Variants in ERC2 observed in about 807,000 individuals in gnomAD.
ERC2 encodes ERC protein 2.
In ERC2, 42 loss-of-function variants were observed where a neutral mutation model predicts 114.8. The ratio of observed to expected loss-of-function variants is 0.37; its 90% CI spans 0.29 to 0.47. ERC2 has a LOEUF of 0.47. Ranked by LOEUF, ERC2 falls within the 20% of genes least tolerant of loss-of-function variation. The pLI, the probability that ERC2 is intolerant of heterozygous loss-of-function variation, is 0.99. For synonymous variants in ERC2, 454 were observed against 425.5 expected (o/e 1.07, Z -0.82); for missense variants, 939 against 1,150.7 (o/e 0.82, Z 2.66).
At chr3:55,866,178 A>T (rs1438566957) in intron 14 of ERC2, among the ~76,000 whole-genome samples, 2 of 151,956 alleles carry the variant, frequency 1.3e-5, no homozygotes, top group Non-Finnish European at 2.9e-5. Flanking sequence ...TCTCATTGTG[A>T]TTTTGATTTA....
intron 2 of ERC2, among the ~76,000 whole-genome samples, chr3:56,374,580 A>G (rs2059471015): frequency 6.6e-6 from 1 of 152,150 alleles, no homozygotes; most frequent in African/African-American, 2.4e-5. Context: ...CCATTTACAG[A>G]TGAGAAAACT....
intron 17 of ERC2, among the ~76,000 whole-genome samples, chr3:55,541,800 T>G (rs2054412977): frequency 6.6e-6 from 1 of 152,208 alleles, no homozygotes; most frequent in Non-Finnish European, 1.5e-5. Flanking sequence ...AGCAGGAATG[T>G]TTTGCCCTGG....
At chr3:55,666,012 G>C (rs2061343708) in intron 17 of ERC2, among the ~76,000 whole-genome samples, 1 of 152,152 alleles carries the variant, frequency 6.6e-6, no homozygotes, top group South Asian at 2.1e-4. Flanking sequence ...AGGTGGGGTG[G>C]CCAGGACAAC....
chr3:55,827,981 C>G (rs1408700198), intron 14 of ERC2, among the ~76,000 whole-genome samples: 2 of 152,162 alleles, frequency 1.3e-5, no homozygotes, highest in African/African-American at 4.8e-5. Context: ...CCACTGCGGC[C>G]AAGCCGATGG....
chr3:56,267,985 C>T (rs1222451055), intron 3 of ERC2, among the ~76,000 whole-genome samples: 5 of 152,158 alleles, frequency 3.3e-5, no homozygotes, highest in Non-Finnish European at 7.3e-5. Context: ...ACTCTTACCA[C>T]ACAGACACAA....
intron 7 of ERC2, among the ~76,000 whole-genome samples, chr3:56,068,272 T>C (rs1313886027): frequency 6.6e-6 from 1 of 152,186 alleles, no homozygotes; most frequent in Non-Finnish European, 1.5e-5. Context: ...CTTGGGAAGG[T>C]GTACGTGTCC....
chr3:55,979,323 C>A (rs896315179), intron 12 of ERC2, among the ~76,000 whole-genome samples: 1 of 152,154 alleles, frequency 6.6e-6, no homozygotes, highest in Non-Finnish European at 1.5e-5. Flanking sequence ...CCATGTGAGA[C>A]GGGTGGTGGT....
chr3:56,261,027 G>A (rs2052886097), intron 3 of ERC2, among the ~76,000 whole-genome samples: 4 of 152,170 alleles, frequency 2.6e-5, no homozygotes, highest in South Asian at 2.1e-4. Context: ...AGTCACACGC[G>A]ACTGTAACTA....
At chr3:56,118,636 CTT>C (rs66888697) in intron 6 of ERC2, among the ~76,000 whole-genome samples, 14 of 127,864 alleles carry the variant, frequency 1.1e-4, no homozygotes, top group Admixed American at 1.6e-4. Context: ...TATTCCTTTT[CTT>C]TTTTTTTTTT....
intron 4 of ERC2, among the ~76,000 whole-genome samples, chr3:56,150,160 T>C (rs1194582781): frequency 6.6e-6 from 1 of 152,146 alleles, no homozygotes; most frequent in Non-Finnish European, 1.5e-5. Flanking sequence ...GAACAATCTA[T>C]CAACTTTTTT....
At chr3:56,180,474 T>A (rs1255352084) in intron 3 of ERC2, among the ~76,000 whole-genome samples, 1 of 152,204 alleles carries the variant, frequency 6.6e-6, no homozygotes, top group Non-Finnish European at 1.5e-5. Flanking sequence ...CAATGGAATA[T>A]TATTCAGCCA....
chr3:56,185,790 T>C (rs1464599343), intron 3 of ERC2, among the ~76,000 whole-genome samples: 1 of 151,952 alleles, frequency 6.6e-6, no homozygotes, highest in East Asian at 1.9e-4. Context: ...AATAGGGAGA[T>C]TATCCTGGAT....
At chr3:55,541,980 C>T (rs1010841920) in intron 17 of ERC2, among the ~76,000 whole-genome samples, 6 of 152,146 alleles carry the variant, frequency 3.9e-5, no homozygotes, top group Admixed American at 2.0e-4. Context: ...ATTTTCCAAG[C>T]GCTGTGAAAA....
chr3:56,274,057 C>T (rs750491669), intron 3 of ERC2, among the ~76,000 whole-genome samples: 6 of 152,130 alleles, frequency 3.9e-5, no homozygotes, highest in East Asian at 1.9e-4. Flanking sequence ...AACTCCAGGC[C>T]GCCAACCATT....
At chr3:56,147,896 G>A (rs1364517215) in intron 5 of ERC2, among the ~76,000 whole-genome samples, 1 of 152,088 alleles carries the variant, frequency 6.6e-6, no homozygotes, top group African/African-American at 2.4e-5. Context: ...ATATTCAGGT[G>A]CTTGGTCCAT....
chr3:56,378,571 TAAA>T (rs11316031), intron 2 of ERC2, among the ~76,000 whole-genome samples: 2,761 of 134,028 alleles, frequency 0.021, 87 homozygotes, highest in African/African-American at 0.073. Context: ...TAAAGTATAA[TAAA>T]AAAAAAAAAA....
chr3:56,002,118 G>T (rs1318541863), intron 10 of ERC2, among the ~76,000 whole-genome samples: 1 of 152,146 alleles, frequency 6.6e-6, no homozygotes, highest in Non-Finnish European at 1.5e-5. Flanking sequence ...AAAATAAAAT[G>T]TGTTGTAAAG....
chr3:56,077,459 T>C (rs1418792553), intron 7 of ERC2, among the ~76,000 whole-genome samples: 1 of 152,232 alleles, frequency 6.6e-6, no homozygotes, highest in African/African-American at 2.4e-5. Flanking sequence ...CTGGTTTTGT[T>C]CTAGAACTTC....
At chr3:56,008,444 ATTT>A (rs889418907) in intron 9 of ERC2, among the ~76,000 whole-genome samples, 4 of 152,132 alleles carry the variant, frequency 2.6e-5, no homozygotes, top group African/African-American at 9.7e-5. Flanking sequence ...TACAATTCCA[ATTT>A]CAATGACTTT....
Sources: gnomAD v4.1 joint callset for allele counts (sites outside exome capture counted in the v4.1 genomes callset) on GRCh38, gnomAD v4.1.1 for gene constraint, MANE v1.5 for transcripts, NCBI Gene and HGNC (gene_info 2026-07-23, HGNC 2026-07-21) for gene names.